Variants in IRGM observed in about 807,000 individuals in gnomAD.
The protein encoded by IRGM is immunity-related GTPase family M protein.
For missense variants in IRGM, 288 were observed against 219.9 expected, an observed-to-expected ratio of 1.31 and a Z score of -1.96; for synonymous variants, 98 against 80.6, an observed-to-expected ratio of 1.22 and a Z score of -1.16.
rs554183976 is a variant in IRGM at position 150,888,388 on chromosome 5, A to G, written c.*140+8742A>G. On this transcript the variant is annotated intron_variant and NMD_transcript_variant, in intron 3 of 3. Coordinates refer to the IRGM transcript ENST00000520549. Reference sequence around the variant, plus strand: ...TCTAACACTCCACTGATATTGTTAGATAGATCATTGAGGCAGAAAATTAAC... The same window carrying G: ...TCTAACACTCCACTGATATTGTTAGGTAGATCATTGAGGCAGAAAATTAAC... Among the ~76,000 whole-genome samples, 7 of 152,192 alleles carry G rather than the reference A, an allele frequency of 4.6e-5. No homozygotes were observed. In the East Asian group the frequency reaches 7.7e-4, roughly 17 times the overall value.
chr5:150,887,659 A>G (rs1445255802), intron 3 of IRGM, among the ~76,000 whole-genome samples: 1 of 88,300 alleles, frequency 1.1e-5, no homozygotes, highest in East Asian at 4.5e-4. Flanking sequence ...GGTCAAAATG[A>G]AAAAAAAAAA....
downstream of IRGM, among the ~76,000 whole-genome samples, chr5:150,902,164 T>C (rs966897102): frequency 7.2e-5 from 11 of 152,248 alleles, no homozygotes; most frequent in African/African-American, 2.6e-4. Context: ...AATGTTTATA[T>C]GCCAATGCTG....
At chr5:150,897,029 A>T in intron 3 of IRGM, 1 of 1,365,464 alleles carries the variant, frequency 7.3e-7, no homozygotes, top group South Asian at 1.4e-5. Context: ...TTAAGAGGGT[A>T]AAGAAGTAGA....
At chr5:150,858,803 T>C (rs1009674939) in intron 1 of IRGM, among the ~76,000 whole-genome samples, 1 of 152,246 alleles carries the variant, frequency 6.6e-6, no homozygotes, top group African/African-American at 2.4e-5. Context: ...CTGAAGTTGC[T>C]TATCAGCTTG....
At chr5:150,851,652 C>T (rs1217183327), downstream of IRGM, among the ~76,000 whole-genome samples, 1 of 152,184 alleles carries the variant, frequency 6.6e-6, no homozygotes, top group Non-Finnish European at 1.5e-5. Flanking sequence ...CAATCCCTTG[C>T]CACTCCCAGC....
chr5:150,872,113 T>C (rs1333084686), intron 1 of IRGM, among the ~76,000 whole-genome samples: 1 of 152,232 alleles, frequency 6.6e-6, no homozygotes, highest in African/African-American at 2.4e-5. Flanking sequence ...AGCTTACAAC[T>C]ACCTAGGGTT....
chr5:150,858,166 C>A (rs1317081493), intron 1 of IRGM, among the ~76,000 whole-genome samples: 2 of 151,600 alleles, frequency 1.3e-5, no homozygotes, highest in African/African-American at 4.8e-5. Flanking sequence ...TTCCCAGCAC[C>A]ATTTATTAAA....
chr5:150,866,066 T>A (rs1214061246), intron 1 of IRGM, among the ~76,000 whole-genome samples: 1 of 152,242 alleles, frequency 6.6e-6, no homozygotes, highest in Non-Finnish European at 1.5e-5. Flanking sequence ...CAAGGATGTC[T>A]TTTTAACTTC....
intron 1 of IRGM, among the ~76,000 whole-genome samples, chr5:150,869,986 T>A (rs1754259919): frequency 6.6e-6 from 1 of 152,118 alleles, no homozygotes. Flanking sequence ...CAGGAATTAC[T>A]AAAGATTCCA....
chr5:150,897,779 G>A, intron 3 of IRGM: 3 of 390,794 alleles, frequency 7.7e-6, no homozygotes, highest in South Asian at 1.9e-4. Flanking sequence ...CATTTATCTG[G>A]GAATATTGCC....
At chr5:150,886,880 A>AT (rs987860178) in intron 3 of IRGM, among the ~76,000 whole-genome samples, 46 of 150,942 alleles carry the variant, frequency 3.0e-4, no homozygotes, top group African/African-American at 8.5e-4. Context: ...CTTTTGAATG[A>AT]TTTTTTTTGT....
At position 150,876,646 on chromosome 5, in the gene IRGM, G is replaced by A. The variant is rs756846577; in HGVS notation, c.159-1334G>A. On this transcript the variant is annotated intron_variant and NMD_transcript_variant, in intron 1 of 3. Coordinates refer to the IRGM transcript ENST00000520549. ...TTAGTTTTACCATGCCCTGTGATGA[G>A]GGTCATTGGGAAACTGCAACAGCCC... is the stretch of plus-strand genomic sequence containing the variant. Among the ~76,000 whole-genome samples, 4 of 152,276 alleles carry A rather than the reference G, an allele frequency of 2.6e-5. No individual in the cohort carries two copies. The East Asian group carries it at 7.7e-4, about 29-fold the overall frequency.
chr5:150,891,324 A>G (rs1754607006), intron 3 of IRGM, among the ~76,000 whole-genome samples: 1 of 151,914 alleles, frequency 6.6e-6, no homozygotes. Flanking sequence ...ATGTCTTTAC[A>G]TTTAAAGTGT....
At chr5:150,870,113 T>G (rs1194829533) in intron 1 of IRGM, among the ~76,000 whole-genome samples, 1 of 152,184 alleles carries the variant, frequency 6.6e-6, no homozygotes, top group East Asian at 1.9e-4. Context: ...TGCAGTAAGA[T>G]GTATACTTAC....
intron 1 of IRGM, among the ~76,000 whole-genome samples, chr5:150,875,468 G>A (rs1187819277): frequency 6.6e-6 from 1 of 152,202 alleles, no homozygotes; most frequent in Non-Finnish European, 1.5e-5. Context: ...AGAAATTTGG[G>A]AAATAGGTAT....
At chr5:150,889,275 C>T (rs1191480547) in intron 3 of IRGM, among the ~76,000 whole-genome samples, 3 of 151,964 alleles carry the variant, frequency 2.0e-5, no homozygotes, top group Non-Finnish European at 4.4e-5. Context: ...GGAGGCCTCA[C>T]AATCATGGCA....
intron 3 of IRGM, chr5:150,896,804 G>T: frequency 6.2e-7 from 1 of 1,613,724 alleles, no homozygotes; most frequent in Non-Finnish European, 8.5e-7. Flanking sequence ...TGACCTGCCT[G>T]AAGAGTTTGT....
chr5:150,870,869 GTTTT>G (rs1332902566), intron 1 of IRGM, among the ~76,000 whole-genome samples: 1 of 151,710 alleles, frequency 6.6e-6, no homozygotes, highest in East Asian at 1.9e-4. Flanking sequence ...TGTTTTTGTT[GTTTT>G]GATTTGTTTC....
chr5:150,901,158 C>T (rs1297557991), downstream of IRGM, among the ~76,000 whole-genome samples: 2 of 151,978 alleles, frequency 1.3e-5, no homozygotes, highest in African/African-American at 2.4e-5. Flanking sequence ...AGCATTTAAT[C>T]AACTAATTAG....
Sources: allele counts gnomAD v4.1 joint callset (sites outside exome capture counted in the v4.1 genomes callset), GRCh38; gene constraint gnomAD v4.1.1; transcripts MANE v1.5; gene names NCBI Gene and HGNC (gene_info 2026-07-23, HGNC 2026-07-21).